The following ETS2 variants were observed in gnomAD, a reference collection of about 807,000 sequenced individuals.
ETS2 encodes the protein ETS proto-oncogene 2, transcription factor, also known as protein C-ets-2.
Under a neutral mutation model 54.9 loss-of-function variants are expected in ETS2, and 19 were observed. The ratio of observed to expected loss-of-function variants is 0.35; its 90% CI spans 0.24 to 0.51. The LOEUF (loss-of-function observed/expected upper bound fraction) is 0.51, where lower values mean the gene tolerates loss of function less well. ETS2 is among the 20% of genes least tolerant of loss of function. The pLI, the probability that ETS2 is intolerant of heterozygous loss-of-function variation, is 0.97. For synonymous variants in ETS2, 219 were observed against 229.3 expected, an observed-to-expected ratio of 0.95 and a Z score of 0.41; for missense variants, 417 against 593.0, an observed-to-expected ratio of 0.70 and a Z score of 3.08.
chr21:38,808,913 G>A (rs576814300), intron 1 of ETS2, among the ~76,000 whole-genome samples: 1 of 152,286 alleles, frequency 6.6e-6, no homozygotes, highest in East Asian at 1.9e-4. Flanking sequence ...AGAGGTGAAG[G>A]CCATTCATCG....
intron 1 of ETS2, among the ~76,000 whole-genome samples, chr21:38,809,146 A>G (rs1046331144): frequency 5.3e-5 from 8 of 152,226 alleles, no homozygotes; most frequent in African/African-American, 1.9e-4. Flanking sequence ...TTAACCTAAT[A>G]TATTCGAAAT....
At chr21:38,807,033 A>G (rs2060896256) in intron 1 of ETS2, among the ~76,000 whole-genome samples, 1 of 152,224 alleles carries the variant, frequency 6.6e-6, no homozygotes, top group Non-Finnish European at 1.5e-5. Context: ...GTTCCATACA[A>G]TGGAAGCGCC....
Position 38,821,553 on chromosome 21 carries a change from G to A in ETS2, c.1076-33G>A, listed in dbSNP as rs758086551. ...CTTGCTGTATTTTACATCTGTGAAA[G>A]GGTATGATCCGTCTCCCTCCCTCTC... is the stretch of plus-strand genomic sequence containing the variant. On this transcript the variant is annotated intron_variant, in intron 8 of 9. Transcript: ENST00000360938. This position sits in a 1 kb window ranked among gnomAD's most constrained non-coding sequence, Gnocchi z 4.2. 2.1e-6 allele frequency: 3 copies of A among 1,412,046 alleles called. No homozygotes were observed. The highest frequency in any genetic ancestry group is 1.7e-5 in the Admixed American group (1 of 59,570). The allele number at this position is 1,412,046 out of a possible 1,614,324, so 87.5% of individuals were successfully genotyped here.
chr21:38,814,834 A>C lies in ETS2; in HGVS notation c.358A>C (p.Asn120His), dbSNP rs780811710. 1.2e-6 allele frequency: 2 copies of C among 1,614,192 alleles called. No homozygotes were observed. The highest frequency in any genetic ancestry group is 3.3e-5 in the Admixed American group (2 of 60,030). ...ATGCCAGTGGCTTCTCTGGGCCACC[A>C]ATGAGTTCAGTCTGGTGAACGTGAA... ...QVCQWLLWATNEFSLVNVNLQ... is the reference protein window; with the variant it reads ...QVCQWLLWATHEFSLVNVNLQ... The change falls in exon 5 of 10, where the codon AAT becomes CAT. Residue 120 changes from asparagine to histidine, a missense_variant. Asn to His is a moderately conservative substitution (Grantham distance 68, BLOSUM62 1). Coordinates refer to ENST00000360938, the MANE Select transcript of ETS2 (RefSeq NM_005239.6). The surrounding 1 kb of genome is among the most constrained non-coding windows in gnomAD (Gnocchi z 4.2).
At position 38,821,387 on chromosome 21, in the gene ETS2, T is replaced by C. The variant is rs574329475; in HGVS notation, c.1076-199T>C. On this transcript the variant is annotated intron_variant, in intron 8 of 9. Transcript: ENST00000360938. The surrounding 1 kb of genome is among the most constrained non-coding windows in gnomAD (Gnocchi z 4.2). ...GCAGTGTGGAGCAGGAACTCACATT[T>C]GGTGCCCCGCCCCATCCCGTTAAAG... 4.9e-4 allele frequency among the ~76,000 whole-genome samples: 74 copies of C among 152,290 alleles called. No individual in the cohort carries two copies. Among genetic ancestry groups the C allele is most frequent in the African/African-American group, 1.5e-3 (63 of 41,554 alleles).
At chr21:38,811,392 AT>A (rs1411942149) in intron 2 of ETS2, among the ~76,000 whole-genome samples, 1 of 152,114 alleles carries the variant, frequency 6.6e-6, no homozygotes, top group African/African-American at 2.4e-5. Context: ...ATTGACTTGG[AT>A]TTTTTTGGGC....
chr21:38,818,276 T>A, intron 6 of ETS2, 149 bp from the exon 7 acceptor site: 1 of 982,930 alleles, frequency 1.0e-6, no homozygotes, highest in Non-Finnish European at 1.5e-6. Flanking sequence ...GAAGGCCTGG[T>A]GACAGACCCC....
rs370102238 is a variant in ETS2, at chr21:38,814,668, C to T, written c.305-113C>T. 8 of 978,246 alleles carry T rather than the reference C, an allele frequency of 8.2e-6. No homozygotes were observed. Among genetic ancestry groups the T allele is most frequent in the Non-Finnish European group, 1.1e-5 (7 of 642,004 alleles). The allele number at this position is 978,246 out of a possible 1,614,324, so 60.6% of individuals were successfully genotyped here. A position where few individuals can be genotyped will look rare whatever the true frequency, so the allele number is the denominator to read the frequency against. ...GTGTCATCATGGTATCTTGCTCATT[C>T]GTGGGTTCTGGTGTATGTCGGTACT... On this transcript the variant is annotated intron_variant, in intron 4 of 9. Coordinates refer to ENST00000360938, the MANE Select transcript of ETS2 (RefSeq NM_005239.6). The surrounding 1 kb of genome is among the most constrained non-coding windows in gnomAD (Gnocchi z 4.2).
chr21:38,812,923 G>C, intron 2 of ETS2, 80 bp from the exon 3 acceptor site: 1 of 957,052 alleles, frequency 1.0e-6, no homozygotes, highest in Non-Finnish European at 1.7e-6. Flanking sequence ...TGGTAGGATT[G>C]CCCACAGACC....
Position 38,814,417 on chromosome 21 carries a change from C to T in ETS2, c.304+25C>T. 1 of 1,612,682 alleles carries T rather than the reference C, an allele frequency of 6.2e-7. No individual in the cohort carries two copies. On this transcript the variant is annotated intron_variant, in intron 4 of 9. Coordinates refer to ENST00000360938, the MANE Select transcript of ETS2 (RefSeq NM_005239.6). This position sits in a 1 kb window ranked among gnomAD's most constrained non-coding sequence, Gnocchi z 4.2. ...AGTAAGTACTGCTTTCCTGAGCCTG[C>T]ACTGGGTGAGAAGAACCAACTTCAG... is the stretch of plus-strand genomic sequence containing the variant.
chr21:38,812,944 C>G lies in ETS2; in HGVS notation c.73-59C>G, dbSNP rs145180561. On this transcript the variant is annotated intron_variant, in intron 2 of 9. Transcript: ENST00000360938. ...GATTGCCCACAGACCACTTTTACAACAGGTAATTCAATCAGTTTAAATATT... is the reference window on the plus strand; with the variant it reads ...GATTGCCCACAGACCACTTTTACAAGAGGTAATTCAATCAGTTTAAATATT... The G allele has an allele frequency of 8.5e-5, 102 of 1,205,176 alleles. 1 individual carries two copies. The East Asian group carries it at 2.3e-3, about 28-fold the overall frequency. The allele number at this position is 1,205,176 out of a possible 1,614,324, so 74.7% of individuals were successfully genotyped here. A position where few individuals can be genotyped will look rare whatever the true frequency, so the allele number is the denominator to read the frequency against.
chr21:38,816,971 C>A, intron 5 of ETS2, 37 bp from the exon 6 acceptor site: 1 of 1,129,656 alleles, frequency 8.9e-7, no homozygotes, highest in Non-Finnish European at 1.4e-6. Context: ...TTTTCACCTA[C>A]ATCTGCCATC....
intron 6 of ETS2, among the ~76,000 whole-genome samples, chr21:38,818,146 C>A (rs2060942675): frequency 6.6e-6 from 1 of 152,170 alleles, no homozygotes; most frequent in African/African-American, 2.4e-5. Flanking sequence ...TGAGCCCTGT[C>A]TTCCTGAAGG....
In ETS2 at chr21:38,819,665, A is replaced by G. The variant is rs763343892; in HGVS notation, c.974A>G (p.Asn325Ser). ...EDDCSQSLCLNKPTMSFKDYI... is the reference protein window; with the variant it reads ...EDDCSQSLCLSKPTMSFKDYI... Reference sequence around the variant, plus strand: ...GACTGCAGCCAGTCTCTCTGCCTCAATAAGCCAACCATGTCTTTCAAGGAT... The same window carrying G: ...GACTGCAGCCAGTCTCTCTGCCTCAGTAAGCCAACCATGTCTTTCAAGGAT... Residue 325 changes from asparagine (N) to serine (S), a missense_variant, in exon 8 of 10, where the codon AAT (asparagine) becomes AGT (serine). Transcript: ENST00000360938. 2 of 1,614,160 alleles carry G rather than the reference A, an allele frequency of 1.2e-6. No individual in the cohort carries two copies. The highest frequency in any genetic ancestry group is 1.1e-5 in the South Asian group (1 of 91,078).
intron 8 of ETS2, among the ~76,000 whole-genome samples, chr21:38,820,974 A>G (rs971769800): frequency 1.3e-5 from 2 of 152,158 alleles, no homozygotes; most frequent in Non-Finnish European, 2.9e-5. Context: ...CTAAATGTCA[A>G]TCGAGGACAG....
At chr21:38,813,336 C>T (rs760642327) in intron 3 of ETS2, among the ~76,000 whole-genome samples, 10 of 152,150 alleles carry the variant, frequency 6.6e-5, no homozygotes, top group Non-Finnish European at 1.2e-4. Flanking sequence ...CCCAGTGAGC[C>T]GCTGTTAGGA....
Position 38,817,080 on chromosome 21 carries a change from G to C in ETS2, c.578G>C (p.Ser193Thr). 2 of 1,599,304 alleles carry C rather than the reference G, an allele frequency of 1.3e-6. No homozygotes were observed. Among genetic ancestry groups the C allele is most frequent in the Non-Finnish European group, 1.7e-6 (2 of 1,166,726 alleles). ...ACCTCCGTTCCTCATTGGATTAACA[G>C]CAATACATTAGGTCAGTCCGATTGA... ...HLTSVPHWINSNTLGFGTEQA... is the reference protein window; with the variant it reads ...HLTSVPHWINTNTLGFGTEQA... The change falls in exon 6 of 10, where the codon AGC becomes ACC. Residue 193 changes from serine to threonine, a missense_variant. Physicochemically the swap from Ser to Thr is moderately conservative, Grantham distance 58. Around this residue, in one of 3 missense-constraint regions of ETS2, gnomAD observed 326 missense variants for 426.1 expected, o/e 0.76. Coordinates refer to ENST00000360938, the MANE Select transcript of ETS2 (RefSeq NM_005239.6).
In ETS2 at chr21:38,806,751, G is replaced by A; in HGVS notation, c.-1+631G>A. ...AGCGTGGGGAACCTGTCGGAAATGAGATCTGGTTGCGCTGGGCTGCCTTTA... is the reference window on the plus strand; with the variant it reads ...AGCGTGGGGAACCTGTCGGAAATGAAATCTGGTTGCGCTGGGCTGCCTTTA... On this transcript the variant is annotated intron_variant, in intron 1 of 9. Transcript: ENST00000360938. The surrounding 1 kb of genome is among the most constrained non-coding windows in gnomAD (Gnocchi z 4.3). 1.0e-6 allele frequency: 1 copy of A among 985,526 alleles called. No homozygotes were observed. Among genetic ancestry groups the A allele is most frequent in the Non-Finnish European group, 1.2e-6 (1 of 829,962 alleles). The allele number at this position is 985,526 out of a possible 1,614,324, so 61.0% of individuals were successfully genotyped here.
At chr21:38,816,859 G>T in intron 5 of ETS2, 149 bp from the exon 6 acceptor site, 1 of 528,024 alleles carries the variant, frequency 1.9e-6, no homozygotes, top group Non-Finnish European at 3.4e-6. Flanking sequence ...GACAGGCAGG[G>T]ACGTGGAGCA....
Sources: allele counts gnomAD v4.1 joint callset (sites outside exome capture counted in the v4.1 genomes callset), GRCh38; gene constraint gnomAD v4.1.1; regional missense constraint gnomAD v4.1.1; non-coding constraint Gnocchi (gnomAD v3.1); transcripts MANE v1.5; gene names NCBI Gene and HGNC (gene_info 2026-07-23, HGNC 2026-07-21).